ABI2: variants seen among roughly 807,000 people sequenced by gnomAD.
The protein encoded by ABI2 is abelson interactor 2.
A neutral mutation model predicts 59.2 loss-of-function variants in ABI2; 25 were observed. The ratio of observed to expected loss-of-function variants is 0.42; its 90% CI spans 0.31 to 0.59. The LOEUF (loss-of-function observed/expected upper bound fraction) is 0.59. Ranked by LOEUF, ABI2 falls within the 20% of genes least tolerant of loss-of-function variation. ABI2 has a pLI of 0.14. For synonymous variants in ABI2, 213 were observed against 235.5 expected, an observed-to-expected ratio of 0.90 and a Z score of 0.87; for missense variants, 545 against 681.8, an observed-to-expected ratio of 0.80 and a Z score of 2.23.
At position 203,351,532 on chromosome 2, in the gene ABI2, G is replaced by GTTT. The variant is rs35382487; in HGVS notation, c.118-15332_118-15330dup. 9.5e-3 allele frequency: 3,646 copies of GTTT among 382,392 alleles called. 2 individuals carry two copies. Among genetic ancestry groups the GTTT allele is most frequent in the South Asian group, 0.014 (749 of 52,688 alleles). 23.7% of individuals were successfully genotyped at this position (382,392 alleles called of 1,614,324 possible). On this transcript the variant is annotated intron_variant, in intron 1 of 11. Transcript: ENST00000261018. ...GATGTTTTGTAGTTTTCAGTGTTTA[G>GTTT]TTTTTTTTTTTTTTTCCTTTAGAGA...
chr2:203,425,987 C>T (rs192613007), intron 11 of ABI2, among the ~76,000 whole-genome samples: 6 of 150,184 alleles, frequency 4.0e-5, no homozygotes, highest in Non-Finnish European at 8.8e-5. Context: ...TGCCACTGCA[C>T]TCCAGCCTGG....
At chr2:203,368,531 T>G (rs1003127806) in intron 2 of ABI2, among the ~76,000 whole-genome samples, 1 of 152,130 alleles carries the variant, frequency 6.6e-6, no homozygotes, top group African/African-American at 2.4e-5. Context: ...CTAGACCAAA[T>G]ATAGTCCAGA....
At chr2:203,388,343 A>C (rs1024062328) in intron 4 of ABI2, among the ~76,000 whole-genome samples, 4 of 152,196 alleles carry the variant, frequency 2.6e-5, no homozygotes, top group African/African-American at 9.7e-5. Context: ...ACAAATATAC[A>C]GTCATTTGAT....
Position 203,427,389 on chromosome 2 carries a change from C to G in ABI2, c.*37C>G. 1.3e-6 allele frequency: 2 copies of G among 1,559,822 alleles called. No homozygotes were observed. Among genetic ancestry groups the G allele is most frequent in the Non-Finnish European group, 1.7e-6 (2 of 1,143,076 alleles). ...GCTGTGCTTGCCTCACAGGAATAGT[C>G]AGGTCTTCCCAGATTATCTGAAGGC... On this transcript the variant is annotated 3_prime_UTR_variant, in exon 12 of 12. Coordinates refer to ENST00000261018, the MANE Select transcript of ABI2 (RefSeq NM_001375670.1).
chr2:203,343,807 A>G (rs1034748669), intron 1 of ABI2, among the ~76,000 whole-genome samples: 3 of 152,156 alleles, frequency 2.0e-5, no homozygotes, highest in African/African-American at 7.2e-5. Flanking sequence ...CCCTTTCCAA[A>G]AGTAACAGTT....
rs911194326 is a variant in ABI2, at chr2:203,351,805, G to A, written c.118-15072G>A. The A allele has an allele frequency of 4.0e-5, 10 of 251,718 alleles. No homozygotes were observed. In the Admixed American group the frequency reaches 5.2e-4, roughly 13 times the overall value. 15.6% of individuals were successfully genotyped at this position (251,718 alleles called of 1,614,324 possible). A position where few individuals can be genotyped will look rare whatever the true frequency, so the allele number is the denominator to read the frequency against. ...CCCACTGTGGCCTCCCCAAGTGCTGGTATTACAGGAGTGAACTACCGCACC... is the reference window on the plus strand; with the variant it reads ...CCCACTGTGGCCTCCCCAAGTGCTGATATTACAGGAGTGAACTACCGCACC... On this transcript the variant is annotated intron_variant, in intron 1 of 11. Transcript: ENST00000261018.
chr2:203,386,304 A>G (rs2096507153), intron 4 of ABI2, among the ~76,000 whole-genome samples: 1 of 151,832 alleles, frequency 6.6e-6, no homozygotes, highest in South Asian at 2.1e-4. Flanking sequence ...TTTTTTTTAA[A>G]GAGATGGGGT....
intron 9 of ABI2, among the ~76,000 whole-genome samples, chr2:203,403,742 G>GTTT (rs56123341): frequency 0.068 from 6,444 of 95,206 alleles, 538 homozygotes; most frequent in African/African-American, 0.16. Context: ...CTTTCTTTCT[G>GTTT]TTTTTTTTTT....
chr2:203,331,066 T>C (rs966667320), intron 1 of ABI2, among the ~76,000 whole-genome samples: 3 of 152,188 alleles, frequency 2.0e-5, no homozygotes, highest in Admixed American at 6.5e-5. Context: ...TAAAATAGTT[T>C]ATTTCTTCAG....
At position 203,416,969 on chromosome 2, in the gene ABI2, ACCT is replaced by A. The variant is rs759463740; in HGVS notation, c.1353_1355del (p.Pro452del). 1 of 1,613,504 alleles carries A rather than the reference ACCT, an allele frequency of 6.2e-7. No individual in the cohort carries two copies. The highest frequency in any genetic ancestry group is 8.5e-7 in the Non-Finnish European group (1 of 1,179,860). ...AACCAGTCTTTGATGAGTCTCCCCC[ACCT>A]CCTCCTCCTCCAGAAGATTACGAAG... On this transcript the variant is annotated inframe_deletion, in exon 11 of 12. Coordinates refer to ENST00000261018, the MANE Select transcript of ABI2 (RefSeq NM_001375670.1).
intron 3 of ABI2, 100 bp from the exon 4 acceptor site, chr2:203,382,089 T>C (rs2096169803): frequency 9.8e-7 from 1 of 1,020,730 alleles, no homozygotes. Context: ...GCTTAACTTG[T>C]TTTTTCTTTT....
At chr2:203,421,668 T>C (rs1375469098) in intron 11 of ABI2, among the ~76,000 whole-genome samples, 2 of 152,086 alleles carry the variant, frequency 1.3e-5, no homozygotes, top group Admixed American at 1.3e-4. Flanking sequence ...TACTTAAGAT[T>C]AGAAAATCTA....
At chr2:203,384,758 T>C (rs563617798) in intron 4 of ABI2, among the ~76,000 whole-genome samples, 76 of 152,268 alleles carry the variant, frequency 5.0e-4, no homozygotes, top group Non-Finnish European at 8.7e-4. Flanking sequence ...ATTAGTTTAA[T>C]CAAAAGTAAT....
intron 1 of ABI2, among the ~76,000 whole-genome samples, chr2:203,347,966 G>T (rs1033563473): frequency 6.6e-6 from 1 of 152,112 alleles, no homozygotes; most frequent in South Asian, 2.1e-4. Flanking sequence ...TGGGCTGGGC[G>T]CAGGTGGCTC....
At chr2:203,412,034 G>A (rs187168917) in intron 10 of ABI2, among the ~76,000 whole-genome samples, 2 of 152,234 alleles carry the variant, frequency 1.3e-5, no homozygotes, top group African/African-American at 4.8e-5. Flanking sequence ...CTTTGCGAGG[G>A]CCACATCACA....
intron 2 of ABI2, among the ~76,000 whole-genome samples, chr2:203,373,675 T>C (rs916630263): frequency 1.3e-5 from 2 of 152,188 alleles, no homozygotes; most frequent in Non-Finnish European, 2.9e-5. Flanking sequence ...AAAGTAGTGC[T>C]CTTCCCACCT....
At chr2:203,356,679 A>C (rs114936333) in intron 1 of ABI2, among the ~76,000 whole-genome samples, 230 of 151,698 alleles carry the variant, frequency 1.5e-3, no homozygotes, top group African/African-American at 5.3e-3. Flanking sequence ...CAAATTTTTA[A>C]ATTTTTTGTG....
Position 203,391,179 on chromosome 2 carries a change from G to A in ABI2, c.578+36G>A, listed in dbSNP as rs372227424. The stretch of plus-strand genomic sequence containing the variant: ...AAGTAGTAATTGAAAACCATTTCAT[G>A]TAGTATTGTTTAAAAATGAAGCACA... On this transcript the variant is annotated intron_variant, in intron 5 of 11. Transcript: ENST00000261018. The A allele has an allele frequency of 4.5e-5, 63 of 1,403,440 alleles. No individual in the cohort carries two copies. The African/African-American group carries it at 9.0e-4, about 20-fold the overall frequency. The allele number at this position is 1,403,440 out of a possible 1,614,324, so 86.9% of individuals were successfully genotyped here.
intron 4 of ABI2, among the ~76,000 whole-genome samples, chr2:203,390,240 T>C (rs2096689171): frequency 6.6e-6 from 1 of 152,256 alleles, no homozygotes; most frequent in South Asian, 2.1e-4. Context: ...ATATATTACA[T>C]GATTTATCTT....
Sources: gnomAD v4.1 joint callset for allele counts (sites outside exome capture counted in the v4.1 genomes callset) on GRCh38, gnomAD v4.1.1 for gene constraint, MANE v1.5 for transcripts, NCBI Gene and HGNC (gene_info 2026-07-23, HGNC 2026-07-21) for gene names.